DHRSX: variants seen among roughly 807,000 people sequenced by gnomAD.
DHRSX encodes polyprenol dehydrogenase.
A neutral mutation model predicts 34.0 loss-of-function variants in DHRSX; 31 were observed. The ratio of observed to expected loss-of-function variants is 0.91; its 90% CI spans 0.69 to 1.23. The LOEUF (loss-of-function observed/expected upper bound fraction) is 1.23, where lower values mean the gene tolerates loss of function less well. DHRSX is among the 50% of genes most tolerant of loss of function. The pLI is 0.00. For missense variants in DHRSX, 414 were observed against 428.1 expected (o/e 0.97, Z 0.29); for synonymous variants, 201 against 183.8 (o/e 1.09, Z -0.76).
intron 2 of DHRSX, among the ~76,000 whole-genome samples, chrX:2,412,507 T>C (rs2043644376): frequency 6.8e-6 from 1 of 147,234 alleles, no homozygotes. Context: ...TCTAAAGGGG[T>C]GGCCTTTTTT....
At chrX:2,270,995 G>A (rs776093521) in intron 4 of DHRSX, among the ~76,000 whole-genome samples, 37 of 145,976 alleles carry the variant, frequency 2.5e-4, no homozygotes, top group Admixed American at 8.4e-4. Flanking sequence ...GGATGTGGGC[G>A]GGGCCAAATA....
At chrX:2,463,820 T>C (rs2044437669) in intron 1 of DHRSX, among the ~76,000 whole-genome samples, 1 of 151,962 alleles carries the variant, frequency 6.6e-6, no homozygotes, top group South Asian at 2.1e-4. Flanking sequence ...AAAAGCAGCT[T>C]ACAGGGTGAA....
intron 3 of DHRSX, among the ~76,000 whole-genome samples, chrX:2,386,170 T>TATTTATTTATTC: frequency 6.7e-6 from 1 of 149,580 alleles, no homozygotes; most frequent in Admixed American, 6.7e-5. Flanking sequence ...TTTATTTATT[T>TATTTATTTATTC]ATTTATTTAT....
intron 5 of DHRSX, among the ~76,000 whole-genome samples, chrX:2,259,056 C>T (rs754776603): frequency 1.6e-4 from 25 of 152,214 alleles, no homozygotes; most frequent in Admixed American, 7.2e-4. Context: ...GAGAGGATCA[C>T]GAGGTCAGGA....
In DHRSX at chrX:2,316,274, G is replaced by A. The variant is rs2042240709; in HGVS notation, c.287-24671C>T. Among the ~76,000 whole-genome samples the A allele has an allele frequency of 7.2e-5, 11 of 151,876 alleles. No homozygotes were observed. In the South Asian group the frequency reaches 2.3e-3, roughly 32 times the overall value. On this transcript the variant is annotated intron_variant, in intron 3 of 6. Transcript: ENST00000334651. The stretch of plus-strand genomic sequence containing the variant: ...TCTTCAAAACCAGCAAAAAGGGCCG[G>A]CTGCGGTGGCTCACGCCTGTAATTC...
At chrX:2,464,642 T>C (rs948849597) in intron 1 of DHRSX, among the ~76,000 whole-genome samples, 6 of 151,374 alleles carry the variant, frequency 4.0e-5, no homozygotes, top group Non-Finnish European at 8.8e-5. Flanking sequence ...AGTATGTGGC[T>C]AAGGGAAGGC....
chrX:2,344,770 G>T (rs2042680098), intron 3 of DHRSX, among the ~76,000 whole-genome samples: 1 of 150,754 alleles, frequency 6.6e-6, no homozygotes, highest in Non-Finnish European at 1.5e-5. Flanking sequence ...TGTAGATGAT[G>T]GGTTGATGGG....
At chrX:2,398,818 C>T (rs1379744755) in intron 3 of DHRSX, among the ~76,000 whole-genome samples, 5 of 151,602 alleles carry the variant, frequency 3.3e-5, no homozygotes, top group South Asian at 4.2e-4. Context: ...TACAGGCATG[C>T]GCCACCATGC....
rs183875268 is a variant in DHRSX at position 2,359,548 on chromosome X, C to T, written c.286+49197G>A. Among the ~76,000 whole-genome samples, 991 of 151,956 alleles carry T rather than the reference C, an allele frequency of 6.5e-3. 11 individuals carry two copies. The highest frequency in any genetic ancestry group is 0.023 in the African/African-American group (956 of 41,386). On this transcript the variant is annotated intron_variant, in intron 3 of 6. Coordinates refer to ENST00000334651, the MANE Select transcript of DHRSX (RefSeq NM_145177.3). ...CAAAAAAATTAGCTGGGCGTGGGGG[C>T]GTGCACCTGTAATCCCAGCTACTTG...
chrX:2,395,331 G>A (rs1193429788), intron 3 of DHRSX, among the ~76,000 whole-genome samples: 1 of 152,178 alleles, frequency 6.6e-6, no homozygotes, highest in African/African-American at 2.4e-5. Context: ...CTCGGCCACT[G>A]GGGCCAGCCA....
intron 4 of DHRSX, 134 bp from the exon 5 acceptor site, chrX:2,267,081 T>C: frequency 1.2e-6 from 1 of 816,934 alleles, no homozygotes. Context: ...CATGTCTTCC[T>C]CCTGGGCCTC....
intron 1 of DHRSX, chrX:2,500,367 T>C (rs2045386848): frequency 5.7e-6 from 1 of 174,220 alleles, no homozygotes; most frequent in Non-Finnish European, 1.3e-5. Flanking sequence ...CTCCGGGGCC[T>C]GGCGGGGGCG....
intron 4 of DHRSX, among the ~76,000 whole-genome samples, chrX:2,276,692 G>T (rs1469772934): frequency 6.6e-6 from 1 of 151,492 alleles, no homozygotes; most frequent in Admixed American, 6.6e-5. Context: ...TCCAAGCGGA[G>T]AACTCCAGAG....
In DHRSX at chrX:2,310,853, G is replaced by A. The variant is rs2042155868; in HGVS notation, c.287-19250C>T. ...AGGCGGGTGGATCGCCTGATGTCAG[G>A]AGTTCGAGACCAGCCTGGCCAACAT... On this transcript the variant is annotated intron_variant, in intron 3 of 6. Transcript: ENST00000334651. Among the ~76,000 whole-genome samples, 7 of 152,052 alleles carry A rather than the reference G, an allele frequency of 4.6e-5. No individual in the cohort carries two copies. In the South Asian group the frequency reaches 1.2e-3, roughly 27 times the overall value.
At position 2,282,619 on chromosome X, in the gene DHRSX, AGG is replaced by A. The variant is rs1394272568; in HGVS notation, c.388+8881_388+8882del. ...AGAGGGGAGAGAGAAGAAAGAGGGG[AGG>A]GAGAGAAGAAGGGAAAGGGAGGGAG... is the stretch of plus-strand genomic sequence containing the variant. On this transcript the variant is annotated intron_variant, in intron 4 of 6. Coordinates refer to ENST00000334651, the MANE Select transcript of DHRSX (RefSeq NM_145177.3). Among the ~76,000 whole-genome samples, 527 of 79,960 alleles carry A rather than the reference AGG, an allele frequency of 6.6e-3. 4 individuals are homozygous for A. The highest frequency in any genetic ancestry group is 0.015 in the Non-Finnish European group (441 of 29,982). The allele number at this position is 79,960 out of a possible 152,430, so 52.5% of individuals were successfully genotyped here.
At chrX:2,430,258 C>CAAAA (rs5901189) in intron 1 of DHRSX, among the ~76,000 whole-genome samples, 2 of 123,378 alleles carry the variant, frequency 1.6e-5, no homozygotes, top group African/African-American at 2.9e-5. Flanking sequence ...GACCCCAGCT[C>CAAAA]AAAAAAAAAA....
At chrX:2,287,724 G>C (rs1278454644) in intron 4 of DHRSX, among the ~76,000 whole-genome samples, 1 of 151,094 alleles carries the variant, frequency 6.6e-6, no homozygotes, top group Non-Finnish European at 1.5e-5. Context: ...GTGGTAGATA[G>C]AATAATAGCC....
intron 3 of DHRSX, among the ~76,000 whole-genome samples, chrX:2,301,287 GCCTGTAAT>G (rs2042006023): frequency 6.6e-6 from 1 of 152,176 alleles, no homozygotes; most frequent in Non-Finnish European, 1.5e-5. Context: ...GTGGTGCATT[GCCTGTAAT>G]CCCAGCTACT....
chrX:2,235,739 GAA>G (rs765422799), intron 6 of DHRSX, among the ~76,000 whole-genome samples: 54,108 of 130,654 alleles, frequency 0.41, 11,877 homozygotes, highest in Non-Finnish European at 0.53. Flanking sequence ...CATCTCAGGG[GAA>G]AAAAAAAAAA....
Sources: allele counts gnomAD v4.1 joint callset (sites outside exome capture counted in the v4.1 genomes callset), GRCh38; gene constraint gnomAD v4.1.1; transcripts MANE v1.5; gene names NCBI Gene and HGNC (gene_info 2026-07-23, HGNC 2026-07-21).